SLC37A1: variants seen among roughly 807,000 people sequenced by gnomAD.
SLC37A1 encodes glucose-6-phosphate exchanger SLC37A1.
Under a neutral mutation model 75.3 loss-of-function variants are expected in SLC37A1, and 49 were observed. The ratio of observed to expected loss-of-function variants is 0.65; its 90% CI spans 0.52 to 0.83. The LOEUF (loss-of-function observed/expected upper bound fraction) is 0.83. Ranked by LOEUF, SLC37A1 falls within the 40% of genes least tolerant of loss-of-function variation. The pLI, the probability that SLC37A1 is intolerant of heterozygous loss-of-function variation, is 0.00. For synonymous variants in SLC37A1, 268 were observed against 292.1 expected, an observed-to-expected ratio of 0.92 and a Z score of 0.84; for missense variants, 566 against 695.0, an observed-to-expected ratio of 0.81 and a Z score of 2.09.
At chr21:42,512,502 C>G (rs916014573), upstream of SLC37A1, among the ~76,000 whole-genome samples, 3 of 152,048 alleles carry the variant, frequency 2.0e-5, no homozygotes, top group African/African-American at 7.2e-5. Context: ...TGGCAAGGGC[C>G]AGGGCTGGGG....
intron 3 of SLC37A1, among the ~76,000 whole-genome samples, chr21:42,530,650 A>ACCCCCC (rs1460499515): frequency 6.2e-4 from 16 of 25,602 alleles, no homozygotes; most frequent in Admixed American, 1.2e-3. Flanking sequence ...ACACACACAC[A>ACCCCCC]CACACCCCCT....
intron 1 of SLC37A1, among the ~76,000 whole-genome samples, chr21:42,500,792 T>G (rs1467962748): frequency 1.3e-5 from 2 of 152,188 alleles, no homozygotes; most frequent in African/African-American, 2.4e-5. Flanking sequence ...TGGAAATATA[T>G]AGACAGGTAG....
rs186177959 is a variant in SLC37A1 at position 42,522,231 on chromosome 21, G to A, written c.57-3545G>A. ...AAGGTCACGTTCTGAGGTTTTGGGT[G>A]GACATGAAATTATGGGGGATGATAT... On this transcript the variant is annotated intron_variant, in intron 2 of 19. Transcript: ENST00000352133. Among the ~76,000 whole-genome samples the A allele has an allele frequency of 1.6e-4, 24 of 152,296 alleles. No homozygotes were observed. In the East Asian group the frequency reaches 4.6e-3, roughly 29 times the overall value.
chr21:42,564,080 A>G (rs112603915), intron 13 of SLC37A1, among the ~76,000 whole-genome samples: 13,573 of 152,142 alleles, frequency 0.089, 857 homozygotes, highest in Non-Finnish European at 0.13. Flanking sequence ...GCACTTGAAC[A>G]GCTTCCCTCA....
At chr21:42,554,236 C>T in intron 10 of SLC37A1, 94 bp downstream of exon 10, 1 of 1,051,024 alleles carries the variant, frequency 9.5e-7, no homozygotes, top group African/African-American at 1.6e-5. Flanking sequence ...GCCTATGTGA[C>T]ATGTGTCACA....
intron 2 of SLC37A1, among the ~76,000 whole-genome samples, chr21:42,520,762 A>G (rs2054630216): frequency 6.6e-6 from 1 of 152,188 alleles, no homozygotes; most frequent in Non-Finnish European, 1.5e-5. Flanking sequence ...GGCATCTCCC[A>G]CTAAAAGGAG....
chr21:42,513,844 C>A (rs2054468700), upstream of SLC37A1: 1 of 146,010 alleles, frequency 6.8e-6, no homozygotes, highest in South Asian at 2.0e-4. Flanking sequence ...TCCCGCGCGC[C>A]GCTCCAGGAA....
At chr21:42,512,228 GGGA>G (rs1365390154), upstream of SLC37A1, among the ~76,000 whole-genome samples, 6 of 112,414 alleles carry the variant, frequency 5.3e-5, no homozygotes, top group African/African-American at 2.0e-4. Flanking sequence ...CTGGGTGGGG[GGGA>G]GGGGGGGTGG....
At chr21:42,542,242 A>G (rs1247385023) in intron 6 of SLC37A1, among the ~76,000 whole-genome samples, 162 bp from the exon 7 acceptor site, 3 of 152,228 alleles carry the variant, frequency 2.0e-5, no homozygotes, top group South Asian at 2.1e-4. Flanking sequence ...GTTTTAAAAT[A>G]TATATGTAGT....
rs1436483364 is a variant in SLC37A1 at position 42,574,927 on chromosome 21, T to C, written c.1521+12T>C. Reference sequence around the variant, plus strand: ...CCTGTGCCTTACTGGTAAGTCGGCCTATTTTTAGTCCAATCCACCTTGAAT... The same window carrying C: ...CCTGTGCCTTACTGGTAAGTCGGCCCATTTTTAGTCCAATCCACCTTGAAT... On this transcript the variant is annotated intron_variant, in intron 18 of 19. Coordinates refer to ENST00000352133, the MANE Select transcript of SLC37A1 (RefSeq NM_001320537.2). The C allele has an allele frequency of 6.2e-7, 1 of 1,613,960 alleles. No individual in the cohort carries two copies. Among genetic ancestry groups the C allele is most frequent in the Non-Finnish European group, 8.5e-7 (1 of 1,179,894 alleles).
chr21:42,564,743 G>T lies in SLC37A1; in HGVS notation c.1171G>T (p.Glu391Ter). 6.2e-7 allele frequency: 1 copy of T among 1,610,398 alleles called. No individual in the cohort carries two copies. Residue 391 changes from glutamate (E) to a stop codon, truncating the protein, a stop_gained, in exon 14 of 20, where the codon GAG becomes TAG. Transcript: ENST00000352133. LOFTEE classifies it high-confidence loss of function. ...ILAGVISDRL[E>*]KRASTCGLML... Reference sequence around the variant, plus strand: ...GGCAGGTGTGATCTCAGACCGACTGGAGAAAAGGGCCTCCACCTGCGGCCT... The same window carrying T: ...GGCAGGTGTGATCTCAGACCGACTGTAGAAAAGGGCCTCCACCTGCGGCCT...
At chr21:42,549,638 C>A (rs1222636576) in intron 9 of SLC37A1, among the ~76,000 whole-genome samples, 1 of 152,224 alleles carries the variant, frequency 6.6e-6, no homozygotes, top group African/African-American at 2.4e-5. Flanking sequence ...ACCAACGAGA[C>A]CCTTGTCACG....
In SLC37A1 at chr21:42,554,735, G is replaced by T. The variant is rs372032378; in HGVS notation, c.849+593G>T. Among the ~76,000 whole-genome samples the T allele has an allele frequency of 9.2e-5, 14 of 152,338 alleles. 3 individuals carry two copies. Among genetic ancestry groups the T allele is most frequent in the East Asian group, 1.9e-4 (1 of 5,186 alleles). ...GATGAGGAATTCCGGACACAGAAAT[G>T]CTAAGTTAATCTGCCTTGTCATCCG... is the stretch of plus-strand genomic sequence containing the variant. On this transcript the variant is annotated intron_variant, in intron 10 of 19. Transcript: ENST00000352133.
At chr21:42,529,486 G>A (rs1471293730) in intron 3 of SLC37A1, among the ~76,000 whole-genome samples, 3 of 151,998 alleles carry the variant, frequency 2.0e-5, no homozygotes, top group Non-Finnish European at 2.9e-5. Context: ...CCTGGGAGGC[G>A]AATGTTGCAG....
At position 42,518,367 on chromosome 21, in the gene SLC37A1, C is replaced by T; in HGVS notation, c.-88C>T. 6.4e-7 allele frequency: 1 copy of T among 1,554,612 alleles called. No homozygotes were observed. The highest frequency in any genetic ancestry group is 1.4e-5 in the African/African-American group (1 of 73,752). Reference sequence around the variant, plus strand: ...CAGCCTGTGGGAGCGGCAGGGGCAACAGAGAGAGGATCTGGAGCCAGGATT... The same window carrying T: ...CAGCCTGTGGGAGCGGCAGGGGCAATAGAGAGAGGATCTGGAGCCAGGATT... On this transcript the variant is annotated 5_prime_UTR_variant, in exon 2 of 20. Transcript: ENST00000352133.
chr21:42,539,548 C>T lies in SLC37A1; in HGVS notation c.387C>T (p.Tyr129=), dbSNP rs758065649. The T allele has an allele frequency of 5.0e-6, 8 of 1,613,790 alleles. No homozygotes were observed. In the African/African-American group the frequency reaches 6.7e-5, roughly 13 times the overall value. The part of the protein sequence containing the change: ...IIGERLPIRY[Y]LTFGMLASGA... ...GGGAGCGCCTGCCGATTAGGTATTA[C>T]CTAACTTTCGGGATGCTCGCCAGCG... Residue 129 remains tyrosine (Y), a synonymous_variant, in exon 6 of 20, where the codon TAC becomes TAT. Transcript: ENST00000352133.
chr21:42,530,772 G>T (rs897900187), intron 3 of SLC37A1, among the ~76,000 whole-genome samples: 1 of 152,058 alleles, frequency 6.6e-6, no homozygotes, highest in Non-Finnish European at 1.5e-5. Flanking sequence ...TTGCCTTTCA[G>T]TGGCTCCTGC....
In SLC37A1 at chr21:42,568,374, T is replaced by C. The variant is rs1489178086; in HGVS notation, c.1359T>C (p.Ser453=). Residue 453 remains serine, a synonymous_variant, in exon 17 of 20, where the codon AGT becomes AGC. Transcript: ENST00000352133. ...AVSADLGTHK[S]LKGNAHALST... ...CTCTCTTCTAGGGGACTCATAAAAG[T>C]CTGAAAGGCAACGCGCACGCCCTCT... 1 of 1,614,098 alleles carries C rather than the reference T, an allele frequency of 6.2e-7. No individual in the cohort carries two copies. The highest frequency in any genetic ancestry group is 8.5e-7 in the Non-Finnish European group (1 of 1,180,000).
intron 11 of SLC37A1, among the ~76,000 whole-genome samples, chr21:42,559,961 G>A (rs1327294863): frequency 6.6e-6 from 1 of 152,056 alleles, no homozygotes; most frequent in African/African-American, 2.4e-5. Flanking sequence ...GATGCCAAGA[G>A]TGAGGGGGAG....
Sources: allele counts gnomAD v4.1 joint callset (sites outside exome capture counted in the v4.1 genomes callset), GRCh38; gene constraint gnomAD v4.1.1; transcripts MANE v1.5; gene names NCBI Gene and HGNC (gene_info 2026-07-23, HGNC 2026-07-21).